The following UST variants were observed in gnomAD, a reference collection of about 807,000 sequenced individuals.
The protein encoded by UST is uronyl 2-sulfotransferase.
UST carries 21 observed loss-of-function variants against 45.6 expected under a neutral mutation model. The ratio of observed to expected loss-of-function variants is 0.46; its 90% CI spans 0.33 to 0.66. The LOEUF is 0.66. Among genes scored for constraint, UST ranks in the 30% least tolerant of loss-of-function variants. The pLI is 0.02. For missense variants in UST, 463 were observed against 512.4 expected, an observed-to-expected ratio of 0.90 and a Z score of 0.93; for synonymous variants, 215 against 200.6, an observed-to-expected ratio of 1.07 and a Z score of -0.61.
chr6:149,068,121 G>A (rs1776768527), intron 7 of UST, among the ~76,000 whole-genome samples: 1 of 152,114 alleles, frequency 6.6e-6, no homozygotes, highest in Admixed American at 6.5e-5. Flanking sequence ...TGTGAGATCG[G>A]TTGTTAAGTT....
chr6:148,922,964 T>C (rs908864458), intron 2 of UST, among the ~76,000 whole-genome samples: 1 of 152,038 alleles, frequency 6.6e-6, no homozygotes, highest in Non-Finnish European at 1.5e-5. Context: ...GGCTAATTTT[T>C]TAATTTTTAG....
At chr6:148,920,552 A>G (rs116617929) in intron 2 of UST, among the ~76,000 whole-genome samples, 4,406 of 152,194 alleles carry the variant, frequency 0.029, 225 homozygotes, top group African/African-American at 0.1. Context: ...TTTTTGAGAC[A>G]AGATCTTGCT....
At position 148,750,163 on chromosome 6, in the gene UST, C is replaced by G. The variant is rs73600854; in HGVS notation, c.247+2486C>G. ...TAAGTTCATGTAAAGTAAAAATTTT[C>G]CAAATCAAAATATGTTTATATCAAA... On this transcript the variant is annotated intron_variant, in intron 1 of 7. Transcript: ENST00000367463. 6.0e-3 allele frequency among the ~76,000 whole-genome samples: 916 copies of G among 152,232 alleles called. 10 individuals are homozygous for G. Among genetic ancestry groups the G allele is most frequent in the African/African-American group, 0.021 (893 of 41,538 alleles).
At chr6:148,993,403 A>G (rs1346475246) in intron 5 of UST, among the ~76,000 whole-genome samples, 1 of 152,034 alleles carries the variant, frequency 6.6e-6, no homozygotes, top group Non-Finnish European at 1.5e-5. Context: ...TTTTATATTG[A>G]AACTTTATTT....
chr6:148,820,518 A>G (rs1409242129), intron 1 of UST, among the ~76,000 whole-genome samples: 3 of 152,154 alleles, frequency 2.0e-5, no homozygotes, highest in Non-Finnish European at 4.4e-5. Flanking sequence ...ACCTCGATAT[A>G]ACTCTACTAT....
At chr6:149,064,834 C>G (rs1255766215) in intron 7 of UST, among the ~76,000 whole-genome samples, 1 of 151,912 alleles carries the variant, frequency 6.6e-6, no homozygotes, top group East Asian at 1.9e-4. Context: ...TTGAGAAAAG[C>G]CAGAAATCCA....
chr6:148,956,376 G>A (rs564848255), intron 4 of UST, among the ~76,000 whole-genome samples: 21 of 48,814 alleles, frequency 4.3e-4, no homozygotes, highest in East Asian at 5.1e-3. Context: ...ACATGGTGGC[G>A]GCAAGAGAAA....
intron 1 of UST, among the ~76,000 whole-genome samples, chr6:148,847,690 C>G (rs1005066742): frequency 1.3e-5 from 2 of 152,184 alleles, no homozygotes; most frequent in Non-Finnish European, 2.9e-5. Context: ...AATACAGATA[C>G]TGTGAGGAAA....
intron 7 of UST, among the ~76,000 whole-genome samples, chr6:149,049,962 C>CACACACACACACACACAG (rs574284527): frequency 6.8e-6 from 1 of 146,996 alleles, no homozygotes; most frequent in African/African-American, 2.5e-5. Context: ...CACACACACA[C>CACACACACACACACACAG]ACACGTGGCC....
chr6:149,061,116 G>C (rs766457247), intron 7 of UST, among the ~76,000 whole-genome samples: 1 of 152,028 alleles, frequency 6.6e-6, no homozygotes, highest in Non-Finnish European at 1.5e-5. Context: ...GTTATTTTGC[G>C]TATGGTTAAC....
chr6:149,009,952 G>A (rs966052518), intron 5 of UST, among the ~76,000 whole-genome samples: 3 of 149,410 alleles, frequency 2.0e-5, no homozygotes, highest in African/African-American at 7.4e-5. Flanking sequence ...TACCATCTTA[G>A]ATCCAATCAT....
intron 1 of UST, among the ~76,000 whole-genome samples, chr6:148,799,524 C>T: frequency 6.6e-6 from 1 of 152,108 alleles, no homozygotes; most frequent in East Asian, 1.9e-4. Flanking sequence ...TCAGGGGTCC[C>T]TTCTTGTTCA....
At chr6:148,988,566 C>T (rs1582945540) in intron 5 of UST, among the ~76,000 whole-genome samples, 1 of 131,290 alleles carries the variant, frequency 7.6e-6, no homozygotes, top group African/African-American at 3.0e-5. Context: ...AGAGAAAGAC[C>T]CTGTCTCAAA....
intron 1 of UST, among the ~76,000 whole-genome samples, chr6:148,771,300 T>C (rs1011471839): frequency 3.3e-5 from 5 of 152,196 alleles, no homozygotes; most frequent in Non-Finnish European, 7.3e-5. Flanking sequence ...TTATTGAAGA[T>C]TATAGAAGTG....
At chr6:149,011,275 C>T (rs1342181169) in intron 5 of UST, among the ~76,000 whole-genome samples, 1 of 152,024 alleles carries the variant, frequency 6.6e-6, no homozygotes, top group Non-Finnish European at 1.5e-5. Flanking sequence ...TAATTGAACT[C>T]ATGGAGATAG....
At chr6:149,013,788 A>G (rs527411845) in intron 5 of UST, among the ~76,000 whole-genome samples, 195 of 152,342 alleles carry the variant, frequency 1.3e-3, no homozygotes, top group Non-Finnish European at 2.4e-3. Flanking sequence ...TTTGAAAGCC[A>G]TGGGCCATAT....
intron 1 of UST, among the ~76,000 whole-genome samples, chr6:148,830,955 T>C (rs1777673102): frequency 6.6e-6 from 1 of 152,082 alleles, no homozygotes; most frequent in African/African-American, 2.4e-5. Context: ...AAATTATATA[T>C]GTATTTTGCC....
At chr6:148,766,707 C>T (rs1776331049) in intron 1 of UST, among the ~76,000 whole-genome samples, 1 of 152,174 alleles carries the variant, frequency 6.6e-6, no homozygotes, top group Admixed American at 6.5e-5. Context: ...GTACTCAAGA[C>T]TGGCTGCATG....
intron 1 of UST, among the ~76,000 whole-genome samples, chr6:148,879,934 CTTTTTTCTTTTT>C (rs1365512327): frequency 7.0e-6 from 1 of 142,966 alleles, no homozygotes; most frequent in Non-Finnish European, 1.5e-5. Context: ...TCTGACTTTT[CTTTTTTCTTTTT>C]TTTTTCTTTT....
Sources: allele counts gnomAD v4.1 joint callset (sites outside exome capture counted in the v4.1 genomes callset), GRCh38; gene constraint gnomAD v4.1.1; transcripts MANE v1.5; gene names NCBI Gene and HGNC (gene_info 2026-07-23, HGNC 2026-07-21).